The following TLK2 variants were observed in gnomAD, a reference collection of about 807,000 sequenced individuals.
The protein encoded by TLK2 is serine/threonine-protein kinase tousled-like 2.
A neutral mutation model predicts 117.3 loss-of-function variants in TLK2; 6 were observed. The ratio of observed to expected loss-of-function variants is 0.05; its 90% CI spans 0.03 to 0.10. The LOEUF (loss-of-function observed/expected upper bound fraction) is 0.10. TLK2 is among the 10% of genes least tolerant of loss of function. The pLI, the probability that TLK2 is intolerant of heterozygous loss-of-function variation, is 1.00. For missense variants in TLK2, 299 were observed against 901.2 expected, an observed-to-expected ratio of 0.33 and a Z score of 8.56; for synonymous variants, 257 against 316.7, an observed-to-expected ratio of 0.81 and a Z score of 2.00.
intron 21 of TLK2, 97 bp from the exon 22 acceptor site, chr17:62,612,295 T>G: frequency 7.4e-7 from 1 of 1,353,854 alleles, no homozygotes; most frequent in Admixed American, 2.3e-5. Flanking sequence ...TTAGTTGATA[T>G]TTGCTCTGGG....
At chr17:62,595,035 C>T (rs2082366075) in intron 16 of TLK2, among the ~76,000 whole-genome samples, 1 of 152,164 alleles carries the variant, frequency 6.6e-6, no homozygotes, top group South Asian at 2.1e-4. Flanking sequence ...AGTCTCGCCT[C>T]ACTGCAACCT....
At chr17:62,609,358 T>C (rs977908756) in intron 21 of TLK2, among the ~76,000 whole-genome samples, 5 of 152,310 alleles carry the variant, frequency 3.3e-5, no homozygotes, top group South Asian at 2.1e-4. Flanking sequence ...GCTAGAATTA[T>C]AGGTATGAGC....
rs576995308 is a variant in TLK2 at position 62,591,588 on chromosome 17, G to T, written c.1461-4997G>T. Among the ~76,000 whole-genome samples, 524 of 152,140 alleles carry T rather than the reference G, an allele frequency of 3.4e-3. 1 individual carries two copies. Among genetic ancestry groups the T allele is most frequent in the Non-Finnish European group, 4.1e-3 (281 of 67,998 alleles). On this transcript the variant is annotated intron_variant, in intron 16 of 21. Coordinates refer to ENST00000346027, the MANE Select transcript of TLK2 (RefSeq NM_006852.6). ...CCTCAGTGCTGGCAAGTCGTTTTTTGGAAAAACGTAAAGATGATGAAATGA... is the reference window on the plus strand; with the variant it reads ...CCTCAGTGCTGGCAAGTCGTTTTTTTGAAAAACGTAAAGATGATGAAATGA...
rs1277549056 is a variant in TLK2, at chr17:62,614,195, TTTTTAA to T, written c.*1634_*1639del. 1 of 152,104 alleles carries T rather than the reference TTTTTAA, an allele frequency of 6.6e-6. No individual in the cohort carries two copies. Among genetic ancestry groups the T allele is most frequent in the Non-Finnish European group, 1.5e-5 (1 of 68,026 alleles). 9.4% of individuals were successfully genotyped at this position (152,104 alleles called of 1,614,324 possible). On this transcript the variant is annotated 3_prime_UTR_variant, in exon 22 of 22. Transcript: ENST00000346027. ...AACATTCTTTTGGCACCAATTTTCTTTTTTAATTTGGTTGTTTCTGAGATGTATGAT... is the reference window on the plus strand; with the variant it reads ...AACATTCTTTTGGCACCAATTTTCTTTTTGGTTGTTTCTGAGATGTATGAT...
intron 1 of TLK2, among the ~76,000 whole-genome samples, chr17:62,473,339 G>A (rs952250121): frequency 4.6e-5 from 7 of 152,152 alleles, no homozygotes; most frequent in African/African-American, 1.7e-4. Context: ...TGAATGGGGA[G>A]CAAATTGCTA....
intron 7 of TLK2, among the ~76,000 whole-genome samples, chr17:62,540,032 C>G (rs987013167): frequency 6.1e-5 from 9 of 148,446 alleles, no homozygotes; most frequent in Non-Finnish European, 1.0e-4. Context: ...CTGCCTTTCT[C>G]CTCCTCCTCC....
At chr17:62,505,663 C>A (rs1030928157) in intron 2 of TLK2, among the ~76,000 whole-genome samples, 1 of 151,776 alleles carries the variant, frequency 6.6e-6, no homozygotes, top group Non-Finnish European at 1.5e-5. Context: ...TTTTTTGAGA[C>A]ATATTCTTGC....
rs2082201854 is a variant in TLK2 at position 62,593,144 on chromosome 17, G to C, written c.1461-3441G>C. Among the ~76,000 whole-genome samples, 3 of 152,168 alleles carry C rather than the reference G, an allele frequency of 2.0e-5. No homozygotes were observed. The South Asian group carries it at 6.2e-4, about 32-fold the overall frequency. ...TTGGGGACCCCTGCTATAGGCAGTT[G>C]TGTTACTAATTGTGTATCTAAGCAT... On this transcript the variant is annotated intron_variant, in intron 16 of 21. Transcript: ENST00000346027.
chr17:62,596,760 C>T, intron 17 of TLK2, 86 bp downstream of exon 17: 2 of 1,141,020 alleles, frequency 1.8e-6, no homozygotes, highest in East Asian at 2.4e-5. Flanking sequence ...ACTCTGGGTC[C>T]AGGACATACC....
At chr17:62,602,270 T>C in intron 19 of TLK2, 90 bp downstream of exon 19, 1 of 1,375,194 alleles carries the variant, frequency 7.3e-7, no homozygotes, top group Non-Finnish European at 9.7e-7. Flanking sequence ...CTGTATGCTA[T>C]CTGCTAGGCA....
chr17:62,537,923 TC>T, intron 7 of TLK2, among the ~76,000 whole-genome samples: 1 of 152,196 alleles, frequency 6.6e-6, no homozygotes, highest in Middle Eastern at 3.4e-3. Context: ...ATGGAATAGT[TC>T]CTTTGAGAAT....
At chr17:62,524,030 G>A (rs1387219052) in intron 5 of TLK2, among the ~76,000 whole-genome samples, 1 of 151,548 alleles carries the variant, frequency 6.6e-6, no homozygotes, top group Non-Finnish European at 1.5e-5. Context: ...TTATATCTTG[G>A]TATATTTCTG....
At chr17:62,526,245 G>A (rs2076359401) in intron 6 of TLK2, among the ~76,000 whole-genome samples, 1 of 151,774 alleles carries the variant, frequency 6.6e-6, no homozygotes, top group South Asian at 2.1e-4. Context: ...ACACCAAGGT[G>A]ACTGACTGAT....
chr17:62,557,862 A>G (rs2078973787), intron 9 of TLK2, among the ~76,000 whole-genome samples: 1 of 152,160 alleles, frequency 6.6e-6, no homozygotes, highest in Non-Finnish European at 1.5e-5. Flanking sequence ...CTAATAAGCA[A>G]TATGTTTCCT....
At chr17:62,546,590 A>G (rs1243279360) in intron 7 of TLK2, among the ~76,000 whole-genome samples, 3 of 130,860 alleles carry the variant, frequency 2.3e-5, no homozygotes, top group East Asian at 2.2e-4. Flanking sequence ...GAGTCTCACC[A>G]TGTCACCCAG....
At chr17:62,519,094 A>G (rs1196686429) in intron 2 of TLK2, among the ~76,000 whole-genome samples, 1 of 152,174 alleles carries the variant, frequency 6.6e-6, no homozygotes, top group East Asian at 1.9e-4. Context: ...CATGTTGGCC[A>G]GGCTGGTCTC....
intron 12 of TLK2, among the ~76,000 whole-genome samples, chr17:62,575,965 G>T (rs1432721602): frequency 6.6e-6 from 1 of 152,192 alleles, no homozygotes; most frequent in African/African-American, 2.4e-5. Flanking sequence ...AGAGTACTGG[G>T]ATTACAGTGA....
chr17:62,483,704 T>C (rs1057003018), intron 2 of TLK2, among the ~76,000 whole-genome samples: 1 of 152,210 alleles, frequency 6.6e-6, no homozygotes, highest in Non-Finnish European at 1.5e-5. Context: ...GGTTTTACCA[T>C]GTTGGACAGG....
chr17:62,482,979 T>C (rs375629054), intron 2 of TLK2, among the ~76,000 whole-genome samples: 2 of 152,230 alleles, frequency 1.3e-5, no homozygotes, highest in Admixed American at 6.5e-5. Flanking sequence ...CAGTTTACTT[T>C]TGTGGCACTT....
Sources: gnomAD v4.1 joint callset for allele counts (sites outside exome capture counted in the v4.1 genomes callset) on GRCh38, gnomAD v4.1.1 for gene constraint, MANE v1.5 for transcripts, NCBI Gene and HGNC (gene_info 2026-07-23, HGNC 2026-07-21) for gene names.